The following NANS variants were observed in gnomAD, a reference collection of about 807,000 sequenced individuals.
NANS encodes the protein N-acetylneuraminate synthase.
NANS carries 29 observed loss-of-function variants against 33.3 expected under a neutral mutation model. The ratio of observed to expected loss-of-function variants is 0.87; its 90% CI spans 0.65 to 1.19. The LOEUF (loss-of-function observed/expected upper bound fraction) is 1.19, where lower values mean the gene tolerates loss of function less well. Among genes scored for constraint, NANS ranks in the 50% most tolerant of loss-of-function variants. The pLI is 0.00. For synonymous variants in NANS, 163 were observed against 177.2 expected, an observed-to-expected ratio of 0.92 and a Z score of 0.64; for missense variants, 394 against 461.1, an observed-to-expected ratio of 0.85 and a Z score of 1.33.
In NANS at chr9:98,061,003, T is replaced by G; in HGVS notation, c.348+6T>G. 6.2e-7 allele frequency: 1 copy of G among 1,612,644 alleles called. No homozygotes were observed. Among genetic ancestry groups the G allele is most frequent in the Non-Finnish European group, 8.5e-7 (1 of 1,179,724 alleles). On this transcript the variant is annotated splice_donor_region_variant and intron_variant, in intron 2 of 5. Coordinates refer to ENST00000210444, the MANE Select transcript of NANS (RefSeq NM_018946.4). ...CTGCCTCTGGCATGGATGAGGTGAG[T>G]CCTCTGCTGCTCTGTCATTTGTCAC...
In NANS at chr9:98,068,301, A is replaced by AT. The variant is rs1010115050; in HGVS notation, c.348+7313dup. Among the ~76,000 whole-genome samples the AT allele has an allele frequency of 1.7e-4, 26 of 150,858 alleles. 2 individuals are homozygous for AT. The East Asian group carries it at 4.1e-3, about 24-fold the overall frequency. On this transcript the variant is annotated intron_variant, in intron 2 of 5. Coordinates refer to ENST00000210444, the MANE Select transcript of NANS (RefSeq NM_018946.4). Reference sequence around the variant, plus strand: ...AGGCGCACACCACCATGCCCAGCTAATTTTTTTTTGTATCTCTTGGTAGAG... The same window carrying AT: ...AGGCGCACACCACCATGCCCAGCTAATTTTTTTTTTGTATCTCTTGGTAGAG...
At chr9:98,075,146 A>AAATT (rs1829524590) in intron 2 of NANS, 1 of 143,890 alleles carries the variant, frequency 6.9e-6, no homozygotes, top group East Asian at 2.1e-4. Flanking sequence ...TCTCCACAGC[A>AAATT]AATTAAAAAA....
intron 2 of NANS, among the ~76,000 whole-genome samples, chr9:98,064,777 G>A (rs1018849543): frequency 2.0e-5 from 3 of 152,146 alleles, no homozygotes; most frequent in African/African-American, 7.2e-5. Flanking sequence ...GCTGCTGCCT[G>A]GCTGGCAGCC....
chr9:98,057,380 G>T (rs542780372), intron 1 of NANS, among the ~76,000 whole-genome samples: 4 of 152,252 alleles, frequency 2.6e-5, no homozygotes, highest in African/African-American at 9.6e-5. Flanking sequence ...AGGAATGACA[G>T]TTCCTGGAAG....
At chr9:98,081,371 T>C in intron 5 of NANS, 1 of 419,664 alleles carries the variant, frequency 2.4e-6, no homozygotes, top group Non-Finnish European at 4.3e-6. Flanking sequence ...GCCCCAGTAC[T>C]CCTAGACTCC....
chr9:98,070,596 T>G (rs1222057533), intron 2 of NANS, among the ~76,000 whole-genome samples: 1 of 151,812 alleles, frequency 6.6e-6, no homozygotes, highest in Non-Finnish European at 1.5e-5. Flanking sequence ...AATTTTTGTA[T>G]TTTTAGTAGA....
chr9:98,070,548 G>A (rs1196978928), intron 2 of NANS, among the ~76,000 whole-genome samples: 2 of 151,986 alleles, frequency 1.3e-5, no homozygotes, highest in Non-Finnish European at 2.9e-5. Context: ...AGCCTCCTGA[G>A]TAGCTAGGAT....
intron 2 of NANS, among the ~76,000 whole-genome samples, chr9:98,065,483 A>ATTTTT (rs397837187): frequency 0.13 from 7,357 of 58,168 alleles, 1,244 homozygotes; most frequent in African/African-American, 0.36. Context: ...TGCCCAGCTA[A>ATTTTT]TTTTTTTTTT....
At chr9:98,081,726 G>C (rs1829871703) in intron 5 of NANS, 1 of 152,252 alleles carries the variant, frequency 6.6e-6, no homozygotes, top group Non-Finnish European at 1.5e-5. Flanking sequence ...GGGCTGCCAG[G>C]CACACACACA....
intron 5 of NANS, chr9:98,081,348 T>G (rs1254191157): frequency 4.1e-6 from 2 of 491,304 alleles, no homozygotes; most frequent in Non-Finnish European, 7.3e-6. Flanking sequence ...CCACTAATTC[T>G]CTGAAGCCCA....
intron 2 of NANS, among the ~76,000 whole-genome samples, chr9:98,062,264 C>T (rs1207924376): frequency 6.6e-6 from 1 of 151,474 alleles, no homozygotes; most frequent in Non-Finnish European, 1.5e-5. Flanking sequence ...CCGCTCCTTG[C>T]TGACTAGCCT....
At chr9:98,073,974 CG>C (rs2117887946) in intron 2 of NANS, among the ~76,000 whole-genome samples, 1 of 151,878 alleles carries the variant, frequency 6.6e-6, no homozygotes, top group East Asian at 2.0e-4. Context: ...TTTGTAGAAA[CG>C]GGATTTCGCC....
chr9:98,068,650 TAA>T (rs55679709), intron 2 of NANS, among the ~76,000 whole-genome samples: 24 of 127,590 alleles, frequency 1.9e-4, no homozygotes, highest in South Asian at 2.5e-4. Flanking sequence ...CCCCATCTAT[TAA>T]AAAAAAAAAA....
rs182318878 is a variant in NANS at position 98,064,440 on chromosome 9, G to C, written c.348+3443G>C. Reference sequence around the variant, plus strand: ...GGCTAGTTTTTGTATATTTTTAGTAGAGATGGGGTTTCACCATGTTGACCA... The same window carrying C: ...GGCTAGTTTTTGTATATTTTTAGTACAGATGGGGTTTCACCATGTTGACCA... On this transcript the variant is annotated intron_variant, in intron 2 of 5. Transcript: ENST00000210444. 2.4e-3 allele frequency among the ~76,000 whole-genome samples: 372 copies of C among 152,182 alleles called. 3 individuals are homozygous for C. The highest frequency in any genetic ancestry group is 8.5e-3 in the African/African-American group (354 of 41,496).
intron 5 of NANS, among the ~76,000 whole-genome samples, chr9:98,082,330 C>CTATGT (rs1829906383): frequency 6.6e-6 from 1 of 152,150 alleles, no homozygotes; most frequent in South Asian, 2.1e-4. Flanking sequence ...AATCTCATCC[C>CTATGT]TATGTTATGT....
At position 98,060,874 on chromosome 9, in the gene NANS, T is replaced by C. The variant is rs762183888; in HGVS notation, c.225T>C (p.His75=). ...KALERPYTSK[H]SWGKTYGEHK... ...TGGAGAGGCCATACACCTCGAAGCATTCCTGGGGGAAGACGTACGGGGAGC... is the reference window on the plus strand; with the variant it reads ...TGGAGAGGCCATACACCTCGAAGCACTCCTGGGGGAAGACGTACGGGGAGC... The change falls in exon 2 of 6, where the codon CAT becomes CAC. Residue 75 remains histidine, a synonymous_variant. Coordinates refer to ENST00000210444, the MANE Select transcript of NANS (RefSeq NM_018946.4). 1.9e-6 allele frequency: 3 copies of C among 1,614,202 alleles called. No homozygotes were observed. The East Asian group carries it at 6.7e-5, about 36-fold the overall frequency.
intron 5 of NANS, chr9:98,081,956 T>C (rs1436667016): frequency 6.6e-6 from 1 of 152,186 alleles, no homozygotes; most frequent in East Asian, 1.9e-4. Flanking sequence ...AGCTGAGCAC[T>C]TAATTTGGCT....
rs1828957417 is a variant in NANS at position 98,060,968 on chromosome 9, A to T, written c.319A>T (p.Ile107Phe). 6.2e-7 allele frequency: 1 copy of T among 1,613,826 alleles called. No individual in the cohort carries two copies. The highest frequency in any genetic ancestry group is 1.1e-5 in the South Asian group (1 of 91,072). ...GCAGAGGTACGCCGAGGAGGTTGGGATCTTCTTCACTGCCTCTGGCATGGA... is the reference window on the plus strand; with the variant it reads ...GCAGAGGTACGCCGAGGAGGTTGGGTTCTTCTTCACTGCCTCTGGCATGGA... ...ELQRYAEEVG[I>F]FFTASGMDEM... Residue 107 changes from isoleucine (I) to phenylalanine (F), a missense_variant, in exon 2 of 6, where the codon ATC (isoleucine) becomes TTC (phenylalanine). Coordinates refer to ENST00000210444, the MANE Select transcript of NANS (RefSeq NM_018946.4).
At position 98,076,957 on chromosome 9, in the gene NANS, T is replaced by A; in HGVS notation, c.388T>A (p.Phe130Ile). The A allele has an allele frequency of 6.2e-7, 1 of 1,612,578 alleles. No homozygotes were observed. The highest frequency in any genetic ancestry group is 1.1e-5 in the South Asian group (1 of 90,414). Residue 130 changes from phenylalanine to isoleucine, a missense_variant, in exon 3 of 6, where the codon TTC becomes ATC. Phe to Ile is a conservative substitution (Grantham distance 21). Coordinates refer to ENST00000210444, the MANE Select transcript of NANS (RefSeq NM_018946.4). ...EFLHELNVPF[F>I]KVGSGDTNNF... ...CCTGCATGAACTGAATGTTCCATTT[T>A]TCAAAGTTGGATCTGGAGACACTAA...
Sources: allele counts gnomAD v4.1 joint callset (sites outside exome capture counted in the v4.1 genomes callset), GRCh38; gene constraint gnomAD v4.1.1; transcripts MANE v1.5; gene names NCBI Gene and HGNC (gene_info 2026-07-23, HGNC 2026-07-21).